GPC5: variants seen among roughly 807,000 people sequenced by gnomAD.
The protein encoded by GPC5 is glypican-5.
GPC5 carries 47 observed loss-of-function variants against 53.9 expected under a neutral mutation model. That is an observed-to-expected ratio of 0.87 (90% confidence interval 0.69 to 1.11). The LOEUF (loss-of-function observed/expected upper bound fraction) is 1.11. GPC5 is among the 50% of genes most tolerant of loss of function. The pLI is 0.00. For missense variants in GPC5, 748 were observed against 713.1 expected (o/e 1.05, Z -0.56); for synonymous variants, 286 against 263.3 (o/e 1.09, Z -0.84).
intron 2 of GPC5, among the ~76,000 whole-genome samples, chr13:91,517,697 CT>C (rs1885576556): frequency 6.6e-6 from 1 of 152,154 alleles, no homozygotes; most frequent in Non-Finnish European, 1.5e-5. Context: ...CATTTTCATG[CT>C]GCTCATTAAG....
At chr13:92,571,676 A>G (rs1016455020) in intron 7 of GPC5, among the ~76,000 whole-genome samples, 7 of 152,286 alleles carry the variant, frequency 4.6e-5, no homozygotes, top group African/African-American at 1.4e-4. Context: ...GATTAATCCA[A>G]TAAAATATAA....
rs371013506 is a variant in GPC5, at chr13:91,969,395, G to C, written c.1401+61338G>C. Among the ~76,000 whole-genome samples, 3 of 151,974 alleles carry C rather than the reference G, an allele frequency of 2.0e-5. No homozygotes were observed. In the South Asian group the frequency reaches 6.2e-4, roughly 31 times the overall value. On this transcript the variant is annotated intron_variant, in intron 6 of 7. Transcript: ENST00000377067. ...AAAGTTAACTCAAAATGGATTAAAG[G>C]CTTACATAGAAATGTAAATCTTCTA...
chr13:92,628,346 G>A (rs542530773), intron 7 of GPC5, among the ~76,000 whole-genome samples: 3 of 135,754 alleles, frequency 2.2e-5, no homozygotes, highest in Non-Finnish European at 4.6e-5. Context: ...GGCAGTCTTG[G>A]CTCACTGCAA....
chr13:91,725,975 C>T (rs555576067), intron 3 of GPC5, among the ~76,000 whole-genome samples: 1 of 152,250 alleles, frequency 6.6e-6, no homozygotes, highest in African/African-American at 2.4e-5. Flanking sequence ...TGTGGTGTGG[C>T]CAAATAATCT....
At chr13:91,445,251 T>C (rs1361000666) in intron 1 of GPC5, among the ~76,000 whole-genome samples, 1 of 152,212 alleles carries the variant, frequency 6.6e-6, no homozygotes, top group African/African-American at 2.4e-5. Flanking sequence ...TGGAGCCATT[T>C]TGAAGTAAAA....
chr13:92,717,248 A>G (rs527424117), intron 7 of GPC5, among the ~76,000 whole-genome samples: 14 of 152,232 alleles, frequency 9.2e-5, no homozygotes, highest in Middle Eastern at 3.4e-3. Flanking sequence ...TTCCATTGAC[A>G]AGAATCCAGG....
At chr13:92,436,549 C>T (rs1001623418) in intron 7 of GPC5, among the ~76,000 whole-genome samples, 3 of 152,136 alleles carry the variant, frequency 2.0e-5, no homozygotes, top group African/African-American at 7.2e-5. Flanking sequence ...GGCTACATGA[C>T]ACATTACATC....
At chr13:92,265,628 A>G (rs138967765) in intron 7 of GPC5, among the ~76,000 whole-genome samples, 47 of 152,218 alleles carry the variant, frequency 3.1e-4, no homozygotes, top group Non-Finnish European at 5.6e-4. Flanking sequence ...CAGAATCCCC[A>G]TTAGTGCCTC....
chr13:91,548,885 C>T (rs1325777645), intron 2 of GPC5, among the ~76,000 whole-genome samples: 1 of 152,082 alleles, frequency 6.6e-6, no homozygotes, highest in Non-Finnish European at 1.5e-5. Flanking sequence ...ACTAGAACAA[C>T]TGGACATCCA....
chr13:92,097,068 T>C (rs1380083411), intron 6 of GPC5, among the ~76,000 whole-genome samples: 1 of 152,210 alleles, frequency 6.6e-6, no homozygotes, highest in African/African-American at 2.4e-5. Flanking sequence ...TAGACTGTCT[T>C]AGACGTATGA....
chr13:92,630,057 G>A (rs1397304610), intron 7 of GPC5, among the ~76,000 whole-genome samples: 1 of 152,060 alleles, frequency 6.6e-6, no homozygotes, highest in Non-Finnish European at 1.5e-5. Context: ...AGACCAAAAG[G>A]GCAGGAATTT....
intron 7 of GPC5, among the ~76,000 whole-genome samples, chr13:92,815,847 T>G (rs1353644063): frequency 6.6e-6 from 1 of 151,938 alleles, no homozygotes; most frequent in Non-Finnish European, 1.5e-5. Flanking sequence ...ACTATTGAGT[T>G]GAGCTGCCAT....
At chr13:92,329,668 C>T (rs2043275464) in intron 7 of GPC5, among the ~76,000 whole-genome samples, 1 of 152,130 alleles carries the variant, frequency 6.6e-6, no homozygotes, top group Non-Finnish European at 1.5e-5. Context: ...GGGGAATTGC[C>T]ATTCTTCCCT....
intron 6 of GPC5, among the ~76,000 whole-genome samples, chr13:91,998,834 A>G (rs1233100841): frequency 6.6e-6 from 1 of 152,156 alleles, no homozygotes; most frequent in Non-Finnish European, 1.5e-5. Flanking sequence ...TGGTCCTGGT[A>G]TGAGAAAACC....
chr13:92,692,977 C>T (rs1167076314), intron 7 of GPC5, among the ~76,000 whole-genome samples: 1 of 151,768 alleles, frequency 6.6e-6, no homozygotes, highest in Non-Finnish European at 1.5e-5. Flanking sequence ...TGGTTTCCCT[C>T]ATACTATTCT....
At chr13:92,709,831 A>G (rs760747754) in intron 7 of GPC5, among the ~76,000 whole-genome samples, 6 of 152,350 alleles carry the variant, frequency 3.9e-5, no homozygotes, top group East Asian at 3.9e-4. Context: ...GCAATTTGCC[A>G]AAGTGAGTAG....
At chr13:91,749,035 T>G (rs969416215) in intron 4 of GPC5, among the ~76,000 whole-genome samples, 1 of 152,012 alleles carries the variant, frequency 6.6e-6, no homozygotes, top group Non-Finnish European at 1.5e-5. Flanking sequence ...TTGTTTCTTA[T>G]TTTTTTAATT....
chr13:92,377,836 TG>T (rs1280795841), intron 7 of GPC5, among the ~76,000 whole-genome samples: 2 of 152,166 alleles, frequency 1.3e-5, no homozygotes, highest in African/African-American at 4.8e-5. Flanking sequence ...TCATAATAAT[TG>T]TATGTGAATA....
At chr13:91,929,149 A>G (rs1318264614) in intron 6 of GPC5, among the ~76,000 whole-genome samples, 1 of 152,068 alleles carries the variant, frequency 6.6e-6, no homozygotes, top group Non-Finnish European at 1.5e-5. Context: ...TTTAGTAAAT[A>G]ATTTTAAATA....
Sources: allele counts gnomAD v4.1 joint callset (sites outside exome capture counted in the v4.1 genomes callset), GRCh38; gene constraint gnomAD v4.1.1; transcripts MANE v1.5; gene names NCBI Gene and HGNC (gene_info 2026-07-23, HGNC 2026-07-21).